The following SPAG16 variants were observed in gnomAD, a reference collection of about 807,000 sequenced individuals.
The protein encoded by SPAG16 is sperm associated antigen 16.
Under a neutral mutation model 80.4 loss-of-function variants are expected in SPAG16, and 86 were observed. The ratio of observed to expected loss-of-function variants is 1.07; its 90% confidence interval spans 0.90 to 1.28. The LOEUF (loss-of-function observed/expected upper bound fraction) is 1.28, where lower values mean the gene tolerates loss of function less well. Ranked by LOEUF, SPAG16 falls within the 50% of genes most tolerant of loss-of-function variation. The pLI is 0.00. For missense variants in SPAG16, 870 were observed against 765.3 expected, an observed-to-expected ratio of 1.14 and a Z score of -1.61; for synonymous variants, 294 against 265.9, an observed-to-expected ratio of 1.11 and a Z score of -1.03.
chr2:214,086,484 G>C (rs2051765593), intron 13 of SPAG16, among the ~76,000 whole-genome samples: 2 of 152,082 alleles, frequency 1.3e-5, no homozygotes, highest in Admixed American at 6.6e-5. Flanking sequence ...AGATCATGGA[G>C]GCAGTCCCCC....
At chr2:214,074,509 G>C (rs1169145165) in intron 13 of SPAG16, among the ~76,000 whole-genome samples, 2 of 152,204 alleles carry the variant, frequency 1.3e-5, no homozygotes, top group South Asian at 4.1e-4. Context: ...GGTATGTGAG[G>C]ATTTATTAAA....
At chr2:214,085,265 G>A (rs568257602) in intron 13 of SPAG16, among the ~76,000 whole-genome samples, 11 of 151,790 alleles carry the variant, frequency 7.2e-5, no homozygotes, top group African/African-American at 1.2e-4. Flanking sequence ...CCAGCTGCTC[G>A]AGAGGCTGAG....
intron 15 of SPAG16, among the ~76,000 whole-genome samples, chr2:214,209,312 G>C (rs16851595): frequency 0.03 from 4,535 of 152,208 alleles, 212 homozygotes; most frequent in East Asian, 0.18. Context: ...GAAACCCATT[G>C]CAGCCTATCT....
intron 10 of SPAG16, among the ~76,000 whole-genome samples, chr2:213,536,285 A>G (rs1165828190): frequency 6.6e-6 from 1 of 152,162 alleles, no homozygotes; most frequent in Admixed American, 6.6e-5. Flanking sequence ...GTGGGATTTC[A>G]TATGGATCAA....
intron 15 of SPAG16, among the ~76,000 whole-genome samples, chr2:214,225,742 T>G (rs2058684519): frequency 6.6e-6 from 1 of 152,178 alleles, no homozygotes; most frequent in African/African-American, 2.4e-5. Flanking sequence ...TACATTTACT[T>G]TACTTATAAT....
chr2:213,287,600 A>T (rs1195206402), intron 1 of SPAG16, among the ~76,000 whole-genome samples: 1 of 152,158 alleles, frequency 6.6e-6, no homozygotes, highest in Non-Finnish European at 1.5e-5. Context: ...CTCTCTGGGC[A>T]TTCTAATACT....
chr2:214,074,042 G>A (rs1198835611), intron 13 of SPAG16, among the ~76,000 whole-genome samples: 2 of 152,052 alleles, frequency 1.3e-5, no homozygotes, highest in Non-Finnish European at 2.9e-5. Context: ...AGGTCATCAG[G>A]GTGCACCTAC....
chr2:214,045,199 CT>C (rs1403040241), intron 13 of SPAG16, among the ~76,000 whole-genome samples: 1 of 152,160 alleles, frequency 6.6e-6, no homozygotes, highest in Non-Finnish European at 1.5e-5. Context: ...TAAATACCAG[CT>C]CTGCCAGAGT....
chr2:213,521,972 T>A (rs897696640), intron 10 of SPAG16, among the ~76,000 whole-genome samples: 10 of 152,162 alleles, frequency 6.6e-5, no homozygotes, highest in African/African-American at 2.2e-4. Context: ...CCAATATTCA[T>A]GATGGATGAT....
intron 15 of SPAG16, among the ~76,000 whole-genome samples, chr2:214,180,181 G>C (rs1041242496): frequency 4.6e-5 from 7 of 151,596 alleles, no homozygotes. Flanking sequence ...GTAATTCAGA[G>C]GGAAACTGGG....
At chr2:214,328,967 A>G (rs1390197682) in intron 15 of SPAG16, among the ~76,000 whole-genome samples, 1 of 152,176 alleles carries the variant, frequency 6.6e-6, no homozygotes, top group Non-Finnish European at 1.5e-5. Context: ...ATTTTTCATT[A>G]TATACATAAG....
intron 10 of SPAG16, among the ~76,000 whole-genome samples, chr2:213,621,591 G>A (rs2061788283): frequency 6.6e-6 from 1 of 152,144 alleles, no homozygotes; most frequent in Non-Finnish European, 1.5e-5. Flanking sequence ...TGTACCTGGA[G>A]ACAGATATTG....
intron 11 of SPAG16, among the ~76,000 whole-genome samples, chr2:213,909,335 C>G (rs961670346): frequency 4.6e-5 from 7 of 152,134 alleles, no homozygotes; most frequent in Admixed American, 3.9e-4. Context: ...GCCATCCCAT[C>G]AAGCTACCAA....
At chr2:214,365,273 C>G (rs1021923441) in intron 15 of SPAG16, among the ~76,000 whole-genome samples, 1 of 152,204 alleles carries the variant, frequency 6.6e-6, no homozygotes, top group Non-Finnish European at 1.5e-5. Context: ...TCAGCACCTA[C>G]TTAAACTCTT....
At chr2:214,021,885 A>G (rs2047886163) in intron 13 of SPAG16, among the ~76,000 whole-genome samples, 3 of 152,252 alleles carry the variant, frequency 2.0e-5, no homozygotes, top group Admixed American at 1.3e-4. Context: ...TAACAAACAT[A>G]TAACATGATC....
intron 9 of SPAG16, among the ~76,000 whole-genome samples, chr2:213,454,059 G>A (rs2071859232): frequency 6.6e-6 from 1 of 151,930 alleles, no homozygotes; most frequent in Non-Finnish European, 1.5e-5. Context: ...CAGTATGAAA[G>A]TAGTGTACAT....
At chr2:213,494,486 A>G (rs780750912) in intron 10 of SPAG16, among the ~76,000 whole-genome samples, 1 of 152,262 alleles carries the variant, frequency 6.6e-6, no homozygotes, top group Non-Finnish European at 1.5e-5. Flanking sequence ...AATTCCCACC[A>G]TTAAATCTAC....
chr2:213,417,059 G>A (rs2069299478), intron 9 of SPAG16, among the ~76,000 whole-genome samples: 1 of 152,188 alleles, frequency 6.6e-6, no homozygotes, highest in South Asian at 2.1e-4. Flanking sequence ...GACTCGTGGG[G>A]TGTATGGGCC....
At chr2:213,480,266 G>T (rs2073675846) in intron 9 of SPAG16, among the ~76,000 whole-genome samples, 1 of 152,184 alleles carries the variant, frequency 6.6e-6, no homozygotes, top group Admixed American at 6.6e-5. Context: ...TATAACTTTG[G>T]GCATAAACTT....
Sources: allele counts gnomAD v4.1 joint callset (sites outside exome capture counted in the v4.1 genomes callset), GRCh38; gene constraint gnomAD v4.1.1; transcripts MANE v1.5; gene names NCBI Gene and HGNC (gene_info 2026-07-23, HGNC 2026-07-21).